Variants in NCKAP5 observed in about 807,000 individuals in gnomAD.
NCKAP5 encodes the protein nck-associated protein 5.
In NCKAP5, 92 loss-of-function variants were observed where a neutral mutation model predicts 167.0. The ratio of observed to expected loss-of-function variants is 0.55; its 90% CI spans 0.47 to 0.66. The LOEUF (loss-of-function observed/expected upper bound fraction) is 0.66. Ranked by LOEUF, NCKAP5 falls within the 30% of genes least tolerant of loss-of-function variation. The pLI is 0.00. For missense variants in NCKAP5, 2,378 were observed against 2,315.0 expected (o/e 1.03, Z -0.56); for synonymous variants, 891 against 877.4 (o/e 1.02, Z -0.27).
rs529202239 is a variant in NCKAP5, at chr2:132,812,928, G to A, written c.808-16199C>T. ...GCTTTCTGAGGACTCTTTTATAAGG[G>A]CACTGTCCCATTCATAAGAGCTCTC... On this transcript the variant is annotated intron_variant, in intron 11 of 19. Coordinates refer to ENST00000409261, the MANE Select transcript of NCKAP5 (RefSeq NM_207363.3). Among the ~76,000 whole-genome samples the A allele has an allele frequency of 1.1e-4, 16 of 152,224 alleles. No individual in the cohort carries two copies. The East Asian group carries it at 1.9e-3, about 18-fold the overall frequency.
chr2:133,262,660 G>A (rs1002479801), intron 4 of NCKAP5, among the ~76,000 whole-genome samples: 1 of 152,148 alleles, frequency 6.6e-6, no homozygotes, highest in African/African-American at 2.4e-5. Context: ...CAGCCTTCAG[G>A]AGCAATACTG....
intron 6 of NCKAP5, among the ~76,000 whole-genome samples, chr2:132,998,607 T>A (rs1308703734): frequency 6.6e-6 from 1 of 152,214 alleles, no homozygotes; most frequent in Non-Finnish European, 1.5e-5. Context: ...ACATCTTTTT[T>A]TAAAAATTCT....
At chr2:132,853,275 T>C (rs573998699) in intron 11 of NCKAP5, among the ~76,000 whole-genome samples, 2 of 152,344 alleles carry the variant, frequency 1.3e-5, no homozygotes, top group East Asian at 3.9e-4. Flanking sequence ...AAAGTCTGCA[T>C]TTCTAGCTTC....
intron 3 of NCKAP5, among the ~76,000 whole-genome samples, chr2:133,355,954 G>T (rs1373683673): frequency 1.3e-5 from 2 of 151,904 alleles, no homozygotes; most frequent in Non-Finnish European, 2.9e-5. Context: ...TTGAGACAGG[G>T]TCTCCATCTG....
At chr2:132,811,622 C>A (rs950396763) in intron 11 of NCKAP5, among the ~76,000 whole-genome samples, 1 of 152,036 alleles carries the variant, frequency 6.6e-6, no homozygotes, top group Non-Finnish European at 1.5e-5. Flanking sequence ...CTGCCCCCTG[C>A]CCCCTCAACA....
intron 7 of NCKAP5, among the ~76,000 whole-genome samples, chr2:132,987,034 A>G (rs1042511462): frequency 3.9e-5 from 6 of 152,132 alleles, no homozygotes; most frequent in Admixed American, 3.9e-4. Context: ...TGCCAGGTGG[A>G]GGTTGCTAGG....
intron 4 of NCKAP5, among the ~76,000 whole-genome samples, chr2:133,295,432 A>G (rs1679891820): frequency 6.6e-6 from 1 of 152,208 alleles, no homozygotes; most frequent in African/African-American, 2.4e-5. Context: ...CAATTAAAAC[A>G]AAATGTTTAA....
At position 132,785,190 on chromosome 2, in the gene NCKAP5, C is replaced by A. The variant is rs530290124; in HGVS notation, c.1621G>T (p.Ala541Ser). The change falls in exon 14 of 20, where the codon GCC becomes TCC. Residue 541 changes from alanine to serine, a missense_variant. Ala to Ser is a moderately conservative substitution (Grantham distance 99). This residue lies in a region of NCKAP5 where 1,049 missense variants were observed against 1,023.4 expected (regional missense o/e 1.02). Coordinates refer to ENST00000409261, the MANE Select transcript of NCKAP5 (RefSeq NM_207363.3). ...TTCATCTCTAAGGGACAGCTGCTGGCGCAACTTGTCAGCTTTTCAGGCCTT... is the reference window on the plus strand; with the variant it reads ...TTCATCTCTAAGGGACAGCTGCTGGAGCAACTTGTCAGCTTTTCAGGCCTT... ...KERPEKLTSC[A>S]SSCPLEMKLC... 2.5e-6 allele frequency: 4 copies of A among 1,579,456 alleles called. No individual in the cohort carries two copies. Among genetic ancestry groups the A allele is most frequent in the Non-Finnish European group, 2.6e-6 (3 of 1,164,908 alleles).
chr2:133,140,615 G>A (rs180827830), intron 5 of NCKAP5, among the ~76,000 whole-genome samples: 23 of 151,930 alleles, frequency 1.5e-4, no homozygotes, highest in African/African-American at 3.1e-4. Context: ...TTCACTGCCC[G>A]CCTAATTTAT....
intron 16 of NCKAP5, among the ~76,000 whole-genome samples, chr2:132,754,161 T>C (rs915089098): frequency 9.9e-5 from 15 of 152,196 alleles, no homozygotes; most frequent in African/African-American, 3.6e-4. Context: ...TTGCAAATTA[T>C]GTATCTGGTC....
chr2:133,603,601 C>T, the NCKAP5 span, among the ~76,000 whole-genome samples: 1 of 151,792 alleles, frequency 6.6e-6, no homozygotes, highest in African/African-American at 2.4e-5. Context: ...TGCAATGGCA[C>T]AACCTCAGCT....
intron 3 of NCKAP5, among the ~76,000 whole-genome samples, chr2:133,332,218 T>C (rs1383013306): frequency 1.3e-5 from 2 of 152,142 alleles, no homozygotes; most frequent in African/African-American, 2.4e-5. Context: ...CCTTGAGTCA[T>C]TTTTAAATGC....
At chr2:132,688,935 G>A (rs1362698771) in intron 19 of NCKAP5, among the ~76,000 whole-genome samples, 4 of 140,480 alleles carry the variant, frequency 2.8e-5, no homozygotes, top group South Asian at 2.3e-4. Context: ...ACAGTGAGCC[G>A]TGATGGCACC....
chr2:133,538,253 A>G (rs1685908725), intron 2 of NCKAP5, among the ~76,000 whole-genome samples: 1 of 152,372 alleles, frequency 6.6e-6, no homozygotes, highest in South Asian at 2.1e-4. Flanking sequence ...AAGAGAAATA[A>G]AAGAAATTGT....
intron 3 of NCKAP5, among the ~76,000 whole-genome samples, chr2:133,422,689 T>G (rs1689556598): frequency 6.6e-6 from 1 of 152,162 alleles, no homozygotes; most frequent in Non-Finnish European, 1.5e-5. Flanking sequence ...TCCTGACACT[T>G]AATGAAGTGT....
At chr2:133,482,043 A>G (rs1309538950) in intron 3 of NCKAP5, among the ~76,000 whole-genome samples, 1 of 151,702 alleles carries the variant, frequency 6.6e-6, no homozygotes, top group Non-Finnish European at 1.5e-5. Context: ...CCTTATGTTC[A>G]CGTTTTTTAA....
At chr2:133,432,274 T>C (rs931211428) in intron 3 of NCKAP5, among the ~76,000 whole-genome samples, 29 of 152,210 alleles carry the variant, frequency 1.9e-4, no homozygotes, top group Non-Finnish European at 1.2e-4. Flanking sequence ...TCATTCATTA[T>C]TAATAATCTG....
At chr2:133,557,103 A>G (rs1312643860) in intron 2 of NCKAP5, among the ~76,000 whole-genome samples, 1 of 152,226 alleles carries the variant, frequency 6.6e-6, no homozygotes. Flanking sequence ...GGTTCTAAAT[A>G]ATGAAATGAA....
chr2:133,479,114 A>T (rs533912625), intron 3 of NCKAP5, among the ~76,000 whole-genome samples: 3 of 152,206 alleles, frequency 2.0e-5, no homozygotes, highest in Non-Finnish European at 2.9e-5. Context: ...GATTTTTAAC[A>T]TCTGAGTTTG....
Sources: gnomAD v4.1 joint callset for allele counts (sites outside exome capture counted in the v4.1 genomes callset) on GRCh38, gnomAD v4.1.1 for gene constraint, gnomAD v4.1.1 regional missense constraint, MANE v1.5 for transcripts, NCBI Gene and HGNC (gene_info 2026-07-23, HGNC 2026-07-21) for gene names.